Variants in CLINT1 observed in about 807,000 individuals in gnomAD.
CLINT1 encodes clathrin interacting protein localized in the trans-Golgi region.
CLINT1 carries 15 observed loss-of-function variants against 70.4 expected under a neutral mutation model. The observed-to-expected ratio is 0.21, with a 90% CI of 0.14 to 0.33. The LOEUF (loss-of-function observed/expected upper bound fraction) is 0.33, where lower values mean the gene tolerates loss of function less well. CLINT1 is among the 10% of genes least tolerant of loss of function. CLINT1 has a pLI of 1.00. For missense variants in CLINT1, 615 were observed against 778.1 expected (o/e 0.79, Z 2.49); for synonymous variants, 227 against 254.7 (o/e 0.89, Z 1.04).
intron 1 of CLINT1, among the ~76,000 whole-genome samples, chr5:157,856,554 C>A (rs941367032): frequency 1.3e-4 from 20 of 152,196 alleles, no homozygotes; most frequent in African/African-American, 4.1e-4. Context: ...ACCAACCATT[C>A]TATGGATGCA....
chr5:157,803,922 A>G (rs746961576), intron 7 of CLINT1, among the ~76,000 whole-genome samples: 2 of 152,100 alleles, frequency 1.3e-5, no homozygotes, highest in African/African-American at 2.4e-5. Flanking sequence ...CAGCAGTGTA[A>G]AAGTCTCTTA....
chr5:157,824,629 G>A (rs1762977856), intron 1 of CLINT1, among the ~76,000 whole-genome samples: 1 of 152,190 alleles, frequency 6.6e-6, no homozygotes, highest in Admixed American at 6.5e-5. Flanking sequence ...TAGCCATGCT[G>A]TTAAAGCAAT....
chr5:157,855,166 G>T (rs866535369), intron 1 of CLINT1, among the ~76,000 whole-genome samples: 7 of 82,070 alleles, frequency 8.5e-5, no homozygotes, highest in Non-Finnish European at 1.1e-4. Flanking sequence ...GCGGGGGGGG[G>T]GGCGGGTCAC....
At chr5:157,817,586 T>A in intron 1 of CLINT1, 39 bp from the exon 2 acceptor site, 2 of 1,322,294 alleles carry the variant, frequency 1.5e-6, no homozygotes, top group Non-Finnish European at 2.1e-6. Flanking sequence ...TGCACAAAGA[T>A]TAGCATCAAA....
intron 1 of CLINT1, among the ~76,000 whole-genome samples, chr5:157,824,472 G>A (rs542470330): frequency 6.6e-6 from 1 of 152,060 alleles, no homozygotes; most frequent in Non-Finnish European, 1.5e-5. Context: ...CGTCCACATG[G>A]TGGGATATTC....
Position 157,859,017 on chromosome 5 carries a change from C to CG in CLINT1, c.-48dup, listed in dbSNP as rs772357583. 6.2e-7 allele frequency: 1 copy of CG among 1,606,346 alleles called. No homozygotes were observed. Among genetic ancestry groups the CG allele is most frequent in the Admixed American group, 1.7e-5 (1 of 59,384 alleles). ...CGCCGCCTCCCTCTCCTGCTCCCCACGGACCCCGGAACACTTCCGTACCGG... is the reference window on the plus strand; with the variant it reads ...CGCCGCCTCCCTCTCCTGCTCCCCACGGGACCCCGGAACACTTCCGTACCGG... On this transcript the variant is annotated 5_prime_UTR_variant, in exon 1 of 12. Transcript: ENST00000411809.
intron 1 of CLINT1, among the ~76,000 whole-genome samples, chr5:157,840,054 G>C (rs1213318394): frequency 6.6e-6 from 1 of 151,866 alleles, no homozygotes; most frequent in Non-Finnish European, 1.5e-5. Flanking sequence ...AAAAAAATTA[G>C]CTGGGCATGA....
intron 6 of CLINT1, among the ~76,000 whole-genome samples, 182 bp from the exon 7 acceptor site, chr5:157,806,294 AG>A (rs1762382214): frequency 1.3e-5 from 2 of 152,168 alleles, no homozygotes; most frequent in African/African-American, 4.8e-5. Context: ...TGCGCTGGGG[AG>A]GGGAAGTGGA....
intron 1 of CLINT1, among the ~76,000 whole-genome samples, chr5:157,841,261 G>A (rs572987477): frequency 6.7e-6 from 1 of 149,506 alleles, no homozygotes; most frequent in South Asian, 2.1e-4. Flanking sequence ...GCAAGAGCCC[G>A]TGTTTAAAAA....
At chr5:157,808,918 C>A (rs1431934126) in intron 6 of CLINT1, among the ~76,000 whole-genome samples, 1 of 151,878 alleles carries the variant, frequency 6.6e-6, no homozygotes, top group African/African-American at 2.4e-5. Flanking sequence ...CATCTAAGGT[C>A]CAAATGCAAA....
Position 157,787,599 on chromosome 5 carries a change from C to G in CLINT1, c.*47G>C. 1.3e-6 allele frequency: 2 copies of G among 1,497,554 alleles called. No homozygotes were observed. The highest frequency in any genetic ancestry group is 1.8e-6 in the Non-Finnish European group (2 of 1,082,454). 92.8% of individuals were successfully genotyped at this position (1,497,554 alleles called of 1,614,324 possible). ...CATTTTCCATCCCAACATCACCTAT[C>G]TGCACAGCTAAAAATTCTTCATTCA... On this transcript the variant is annotated 3_prime_UTR_variant, in exon 12 of 12. Coordinates refer to ENST00000411809, the MANE Select transcript of CLINT1 (RefSeq NM_014666.4).
In CLINT1 at chr5:157,786,630, C is replaced by T. The variant is rs543502057; in HGVS notation, c.*1016G>A. ...TATATATTTAACTCCTCTATTGGAA[C>T]CATATTGCTAATGCTGCATTATATA... is the stretch of plus-strand genomic sequence containing the variant. On this transcript the variant is annotated 3_prime_UTR_variant, in exon 12 of 12. Transcript: ENST00000411809. 1.4e-4 allele frequency: 22 copies of T among 152,616 alleles called. No homozygotes were observed. Among genetic ancestry groups the T allele is most frequent in the African/African-American group, 4.8e-4 (20 of 41,522 alleles). 9.5% of individuals were successfully genotyped at this position (152,616 alleles called of 1,614,324 possible). A position where few individuals can be genotyped will look rare whatever the true frequency, so the allele number is the denominator to read the frequency against.
chr5:157,851,891 T>C (rs754456152), intron 1 of CLINT1, among the ~76,000 whole-genome samples: 1 of 152,172 alleles, frequency 6.6e-6, no homozygotes, highest in Non-Finnish European at 1.5e-5. Context: ...TTTACCTGTA[T>C]TTAATTTTCA....
At chr5:157,806,203 A>G in intron 6 of CLINT1, 91 bp from the exon 7 acceptor site, 1 of 1,310,116 alleles carries the variant, frequency 7.6e-7, no homozygotes, top group Non-Finnish European at 1.0e-6. Flanking sequence ...TTTCAAATAC[A>G]GTAACTCCAA....
chr5:157,832,018 C>T lies in CLINT1; in HGVS notation c.42-14471G>A, dbSNP rs188679471. The stretch of plus-strand genomic sequence containing the variant: ...GCCACTGTTTTTTAAGACAGAGTCT[C>T]GCACTGTCCCCCAAGCTGGAGTGCA... On this transcript the variant is annotated intron_variant, in intron 1 of 11. Transcript: ENST00000411809. 5.9e-5 allele frequency among the ~76,000 whole-genome samples: 9 copies of T among 151,836 alleles called. No homozygotes were observed. In the East Asian group the frequency reaches 1.4e-3, roughly 23 times the overall value.
chr5:157,809,785 G>C lies in CLINT1; in HGVS notation c.538C>G (p.Pro180Ala). 6.2e-7 allele frequency: 1 copy of C among 1,612,062 alleles called. No individual in the cohort carries two copies. The highest frequency in any genetic ancestry group is 8.5e-7 in the Non-Finnish European group (1 of 1,179,092). ...FRYSERYDPE[P>A]KSKWDEEWDK... ...CACTCCTCATCCCATTTTGATTTGG[G>C]CTCAGGATCATATCTTTCACCTAGA... Residue 180 changes from proline (P) to alanine (A), a missense_variant, in exon 6 of 12, where the codon CCC becomes GCC. Physicochemically the swap from Pro to Ala is conservative, Grantham distance 27. Transcript: ENST00000411809.
intron 1 of CLINT1, among the ~76,000 whole-genome samples, chr5:157,837,993 A>G (rs1330994369): frequency 6.6e-6 from 1 of 152,198 alleles, no homozygotes; most frequent in African/African-American, 2.4e-5. Context: ...GTTCAAATTA[A>G]GAACTTAACA....
chr5:157,833,501 C>G (rs1310744781), intron 1 of CLINT1, among the ~76,000 whole-genome samples: 1 of 152,232 alleles, frequency 6.6e-6, no homozygotes, highest in Admixed American at 6.5e-5. Context: ...TGTCCCTGCT[C>G]TCCAGCTAAC....
chr5:157,813,280 C>A, intron 4 of CLINT1, 53 bp from the exon 5 acceptor site: 2 of 1,468,860 alleles, frequency 1.4e-6, no homozygotes, highest in Non-Finnish European at 9.1e-7. Flanking sequence ...TAATATGTAT[C>A]AAGCTCTTTA....
Sources: allele counts gnomAD v4.1 joint callset (sites outside exome capture counted in the v4.1 genomes callset), GRCh38; gene constraint gnomAD v4.1.1; transcripts MANE v1.5; gene names NCBI Gene and HGNC (gene_info 2026-07-23, HGNC 2026-07-21).